The following DAPK1 variants were observed in gnomAD, a reference collection of about 807,000 sequenced individuals.
DAPK1 encodes the protein death associated protein kinase 1.
In DAPK1, 56 loss-of-function variants were observed where a neutral mutation model predicts 144.9. The observed-to-expected ratio is 0.39, with a 90% CI of 0.31 to 0.48. DAPK1 has a LOEUF of 0.48. DAPK1 is among the 20% of genes least tolerant of loss of function. The pLI, the probability that DAPK1 is intolerant of heterozygous loss-of-function variation, is 0.95. For synonymous variants in DAPK1, 690 were observed against 749.0 expected, an observed-to-expected ratio of 0.92 and a Z score of 1.29; for missense variants, 1,454 against 1,875.4, an observed-to-expected ratio of 0.78 and a Z score of 4.15.
chr9:87,684,968 T>TA (rs1356014783), intron 20 of DAPK1, among the ~76,000 whole-genome samples: 6 of 152,188 alleles, frequency 3.9e-5, no homozygotes, highest in African/African-American at 9.7e-5. Context: ...CACATGCCAC[T>TA]AAAAGAAGGC....
intron 2 of DAPK1, chr9:87,499,361 C>T (rs1824312958): frequency 3.6e-6 from 2 of 549,216 alleles, no homozygotes; most frequent in African/African-American, 3.7e-5. Flanking sequence ...TTATGATGCA[C>T]AGTATATTGA....
At chr9:87,588,543 G>A (rs537842816) in intron 2 of DAPK1, among the ~76,000 whole-genome samples, 4 of 152,250 alleles carry the variant, frequency 2.6e-5, no homozygotes, top group African/African-American at 9.6e-5. Context: ...AGGTTGTGAG[G>A]ATCAGCTTTC....
chr9:87,532,175 C>G (rs573674890), intron 2 of DAPK1, among the ~76,000 whole-genome samples: 112 of 152,218 alleles, frequency 7.4e-4, no homozygotes, highest in Non-Finnish European at 1.3e-3. Flanking sequence ...AACTGTAACT[C>G]CAAGGCCAAA....
At chr9:87,582,131 G>A (rs11141904) in intron 2 of DAPK1, among the ~76,000 whole-genome samples, 17,650 of 151,794 alleles carry the variant, frequency 0.12, 1,264 homozygotes, top group East Asian at 0.33. Context: ...CTTCTCCTCC[G>A]GTCTTTTTTT....
At position 87,706,786 on chromosome 9, in the gene DAPK1, C is replaced by T. The variant is rs765749362; in HGVS notation, c.3715C>T (p.Pro1239Ser). ...GLLTVKHYLS[P>S]QQLREHHEPV... ...CCTGACCGTGAAGCATTACCTGAGC[C>T]CCCAGCAGCTGCGGGAGCACCATGA... Residue 1239 changes from proline (P) to serine (S), a missense_variant, in exon 26 of 26, where the codon CCC becomes TCC. Transcript: ENST00000408954. The surrounding 1 kb of genome is among the most constrained non-coding windows in gnomAD (Gnocchi z 9.0). 4 of 1,613,466 alleles carry T rather than the reference C, an allele frequency of 2.5e-6. No individual in the cohort carries two copies. In the South Asian group the frequency reaches 3.3e-5, roughly 13 times the overall value.
Position 87,511,773 on chromosome 9 carries a change from C to T in DAPK1, c.62+12634C>T, listed in dbSNP as rs536170843. ...TCACCCGGCCTGGAGTGCAGTGGCG[C>T]GATCTCGGCTCACTGCAACCTCCGC... is the stretch of plus-strand genomic sequence containing the variant. On this transcript the variant is annotated intron_variant, in intron 2 of 25. Transcript: ENST00000408954. 9.4e-4 allele frequency among the ~76,000 whole-genome samples: 143 copies of T among 151,420 alleles called. 1 individual carries two copies. Among genetic ancestry groups the T allele is most frequent in the African/African-American group, 3.3e-3 (137 of 41,260 alleles).
At chr9:87,634,891 T>C (rs1317669359) in intron 3 of DAPK1, among the ~76,000 whole-genome samples, 1 of 152,104 alleles carries the variant, frequency 6.6e-6, no homozygotes, top group African/African-American at 2.4e-5. Context: ...ACACCCCTGC[T>C]GCCATGGGAG....
intron 21 of DAPK1, among the ~76,000 whole-genome samples, chr9:87,688,356 G>A (rs2117935497): frequency 6.6e-6 from 1 of 152,326 alleles, no homozygotes; most frequent in Middle Eastern, 3.4e-3. Flanking sequence ...GGGCGCCTAG[G>A]TTGACTCCGT....
chr9:87,573,501 A>C (rs1827439009), intron 2 of DAPK1, among the ~76,000 whole-genome samples: 1 of 152,184 alleles, frequency 6.6e-6, no homozygotes, highest in Non-Finnish European at 1.5e-5. Context: ...AGTTTGTAAG[A>C]GTGGGGATAT....
intron 19 of DAPK1, among the ~76,000 whole-genome samples, chr9:87,679,620 G>T (rs775339318): frequency 2.7e-4 from 41 of 152,154 alleles, no homozygotes; most frequent in Non-Finnish European, 5.9e-4. Context: ...ATCTCCCCAA[G>T]ACCATGGATC....
rs137983263 is a variant in DAPK1, at chr9:87,647,231, G to A, written c.1231-74G>A. On this transcript the variant is annotated intron_variant, in intron 13 of 25. Transcript: ENST00000408954. Reference sequence around the variant, plus strand: ...TCATCACACAGGAAGGGAAATAACAGTGAGTCTGAGGAATGCATGCATCTG... The same window carrying A: ...TCATCACACAGGAAGGGAAATAACAATGAGTCTGAGGAATGCATGCATCTG... The A allele has an allele frequency of 4.8e-4, 570 of 1,175,594 alleles. 8 individuals are homozygous for A. The East Asian group carries it at 0.013, about 26-fold the overall frequency. 72.8% of individuals were successfully genotyped at this position (1,175,594 alleles called of 1,614,324 possible). A position where few individuals can be genotyped will look rare whatever the true frequency, so the allele number is the denominator to read the frequency against.
chr9:87,685,755 T>A (rs1824819551), intron 20 of DAPK1, among the ~76,000 whole-genome samples: 1 of 152,216 alleles, frequency 6.6e-6, no homozygotes, highest in Non-Finnish European at 1.5e-5. Flanking sequence ...ACTGACTCAC[T>A]TTTTAAAATG....
intron 2 of DAPK1, among the ~76,000 whole-genome samples, chr9:87,518,500 T>A (rs1825168881): frequency 6.6e-6 from 1 of 152,030 alleles, no homozygotes; most frequent in South Asian, 2.1e-4. Flanking sequence ...CTCATTGATG[T>A]CGGCCAGTCA....
At chr9:87,653,439 A>G (rs1223028611) in intron 17 of DAPK1, among the ~76,000 whole-genome samples, 2 of 152,210 alleles carry the variant, frequency 1.3e-5, no homozygotes, top group Admixed American at 1.3e-4. Context: ...ATAGATAAAC[A>G]GAAAATTATT....
intron 2 of DAPK1, among the ~76,000 whole-genome samples, chr9:87,531,092 G>A (rs1251710832): frequency 3.9e-5 from 6 of 152,160 alleles, no homozygotes; most frequent in African/African-American, 7.2e-5. Context: ...GAGTGAGAAG[G>A]GGTTAGGGGG....
rs1829737106 is a variant in DAPK1 at position 87,632,580 on chromosome 9, G to A, written c.285-5363G>A. The A allele has an allele frequency of 1.4e-5, 14 of 970,524 alleles. No homozygotes were observed. In the African/African-American group the frequency reaches 2.0e-4, roughly 14 times the overall value. The allele number at this position is 970,524 out of a possible 1,614,324, so 60.1% of individuals were successfully genotyped here. A position where few individuals can be genotyped will look rare whatever the true frequency, so the allele number is the denominator to read the frequency against. On this transcript the variant is annotated intron_variant, in intron 3 of 25. Transcript: ENST00000408954. ...TGAAGGAGGATGAGTATACATGTAG[G>A]GATGAAGGAGGATGAGTATGTATAT...
At chr9:87,676,429 C>T (rs567708952) in intron 19 of DAPK1, among the ~76,000 whole-genome samples, 18 of 152,336 alleles carry the variant, frequency 1.2e-4, no homozygotes, top group Admixed American at 3.3e-4. Flanking sequence ...GGTAGTGAAA[C>T]GTGAAAACGT....
chr9:87,707,326 A>T lies in DAPK1; in HGVS notation c.4255A>T (p.Thr1419Ser). The change falls in exon 26 of 26, where the codon ACC becomes TCC. Residue 1419 changes from threonine to serine, a missense_variant. By Grantham distance (58) the Thr-to-Ser change is moderately conservative (BLOSUM62 1). Around this residue, in one of 2 missense-constraint regions of DAPK1, gnomAD observed 1,025 missense variants for 1,237.9 expected, o/e 0.83. Transcript: ENST00000408954. The surrounding 1 kb of genome is among the most constrained non-coding windows in gnomAD (Gnocchi z 4.0). ...CTATGCCTCGAGCTGCAACAGCGGCACCTCTTACAATTCCATTAGCTCTGT... is the reference window on the plus strand; with the variant it reads ...CTATGCCTCGAGCTGCAACAGCGGCTCCTCTTACAATTCCATTAGCTCTGT... ...EAYASSCNSG[T>S]SYNSISSVVS... 1 of 1,611,916 alleles carries T rather than the reference A, an allele frequency of 6.2e-7. No homozygotes were observed. The highest frequency in any genetic ancestry group is 1.1e-5 in the South Asian group (1 of 90,670).
chr9:87,663,455 T>TCTTCCTTTTG (rs1413612121), intron 18 of DAPK1, among the ~76,000 whole-genome samples: 1 of 151,956 alleles, frequency 6.6e-6, no homozygotes, highest in Non-Finnish European at 1.5e-5. Flanking sequence ...TGAAGCCAGC[T>TCTTCCTTTTG]CTTCCTTTTG....
Sources: allele counts gnomAD v4.1 joint callset (sites outside exome capture counted in the v4.1 genomes callset), GRCh38; gene constraint gnomAD v4.1.1; regional missense constraint gnomAD v4.1.1; non-coding constraint Gnocchi (gnomAD v3.1); transcripts MANE v1.5; gene names NCBI Gene and HGNC (gene_info 2026-07-23, HGNC 2026-07-21).